The following TNKS variants were observed in gnomAD, a reference collection of about 807,000 sequenced individuals.
TNKS encodes the protein tankyrase.
Under a neutral mutation model 135.8 loss-of-function variants are expected in TNKS, and 72 were observed. The observed-to-expected ratio is 0.53, with a 90% CI of 0.44 to 0.64. TNKS has a LOEUF of 0.64. TNKS is among the 30% of genes least tolerant of loss of function. The probability of loss-of-function intolerance (pLI) is 0.00; values close to 1 mark genes in which losing one functional copy is unlikely to be tolerated. For missense variants in TNKS, 1,769 were observed against 1,674.0 expected (o/e 1.06, Z -0.99); for synonymous variants, 849 against 649.3 (o/e 1.31, Z -4.68).
At chr8:9,763,404 C>T (rs181107988) in intron 22 of TNKS, among the ~76,000 whole-genome samples, 160 bp downstream of exon 22, 1 of 152,116 alleles carries the variant, frequency 6.6e-6, no homozygotes, top group Non-Finnish European at 1.5e-5. Context: ...TAAAATATGA[C>T]GGCGCCCCAT....
intron 20 of TNKS, among the ~76,000 whole-genome samples, chr8:9,753,434 C>A (rs998394811): frequency 3.9e-5 from 6 of 152,028 alleles, no homozygotes; most frequent in Non-Finnish European, 8.8e-5. Flanking sequence ...TCCAATAGAC[C>A]CACCCTATTT....
chr8:9,592,167 T>C (rs1563101110), intron 2 of TNKS, among the ~76,000 whole-genome samples: 1 of 152,228 alleles, frequency 6.6e-6, no homozygotes, highest in Non-Finnish European at 1.5e-5. Flanking sequence ...TTCCAAAATT[T>C]AGGGAAATAG....
intron 13 of TNKS, 74 bp downstream of exon 13, chr8:9,726,794 T>A: frequency 8.5e-7 from 1 of 1,176,038 alleles, no homozygotes; most frequent in Non-Finnish European, 1.2e-6. Context: ...AGCTTCTAAG[T>A]ATATCTACTC....
Position 9,777,102 on chromosome 8 carries a change from G to A in TNKS, c.*366G>A. ...ACACTACATTTGTTTTGTTATGCAT[G>A]ACGTGTCTATAACAAATATACACAT... On this transcript the variant is annotated 3_prime_UTR_variant, in exon 27 of 27. Coordinates refer to ENST00000310430, the MANE Select transcript of TNKS (RefSeq NM_003747.3). 1 of 220,280 alleles carries A rather than the reference G, an allele frequency of 4.5e-6. No homozygotes were observed. The highest frequency in any genetic ancestry group is 8.6e-5 in the South Asian group (1 of 11,620). The allele number at this position is 220,280 out of a possible 1,614,324, so 13.6% of individuals were successfully genotyped here.
chr8:9,714,312 A>G (rs73204606), intron 11 of TNKS, among the ~76,000 whole-genome samples: 8,574 of 142,270 alleles, frequency 0.06, 447 homozygotes, highest in Non-Finnish European at 0.078. Context: ...GTGATATGTG[A>G]AGCAACCGCC....
At chr8:9,707,897 T>G (rs1180081347) in intron 8 of TNKS, among the ~76,000 whole-genome samples, 1 of 152,214 alleles carries the variant, frequency 6.6e-6, no homozygotes, top group African/African-American at 2.4e-5. Flanking sequence ...GGTGTACTTA[T>G]GGTGGCAATA....
intron 2 of TNKS, among the ~76,000 whole-genome samples, chr8:9,610,937 A>T (rs1422927986): frequency 6.6e-6 from 1 of 152,228 alleles, no homozygotes; most frequent in East Asian, 1.9e-4. Context: ...TGCAATAATT[A>T]TGCAAATGCT....
intron 5 of TNKS, among the ~76,000 whole-genome samples, chr8:9,694,356 C>T (rs986771679): frequency 6.6e-6 from 1 of 152,090 alleles, no homozygotes; most frequent in African/African-American, 2.4e-5. Flanking sequence ...TCTCAGTGAA[C>T]TCACAGTGAG....
intron 7 of TNKS, 54 bp downstream of exon 7, chr8:9,706,307 C>A: frequency 7.8e-7 from 1 of 1,277,304 alleles, no homozygotes; most frequent in Non-Finnish European, 1.1e-6. Flanking sequence ...TTTTCTTTAC[C>A]TTGTCATGAC....
chr8:9,764,719 C>G lies in TNKS; in HGVS notation c.3376C>G (p.Gln1126Glu). 6.3e-7 allele frequency: 1 copy of G among 1,594,024 alleles called. No individual in the cohort carries two copies. The highest frequency in any genetic ancestry group is 1.8e-5 in the Admixed American group (1 of 55,750). ...AATTAGTTATTTTGTTCTGTAGATGCAAAGTACTATTCGAGAACACAGAGA... is the reference window on the plus strand; with the variant it reads ...AATTAGTTATTTTGTTCTGTAGATGGAAAGTACTATTCGAGAACACAGAGA... Reference protein sequence around the residue: ...KEYQSVEEEMQSTIREHRDGG... With the variant: ...KEYQSVEEEMESTIREHRDGG... Residue 1126 changes from glutamine (Q) to glutamate (E), a missense_variant, in exon 23 of 27, where the codon CAA becomes GAA. Transcript: ENST00000310430.
At chr8:9,681,409 C>G (rs1585321220) in intron 5 of TNKS, among the ~76,000 whole-genome samples, 1 of 152,098 alleles carries the variant, frequency 6.6e-6, no homozygotes, top group African/African-American at 2.4e-5. Flanking sequence ...CAGCTGGCAG[C>G]TTCATTATCT....
chr8:9,710,511 C>T (rs1488702510), intron 11 of TNKS: 6 of 527,936 alleles, frequency 1.1e-5, no homozygotes, highest in East Asian at 5.8e-5. Flanking sequence ...TAATACTATA[C>T]GGATATATTT....
At chr8:9,639,553 T>A (rs565976476) in intron 3 of TNKS, among the ~76,000 whole-genome samples, 11 of 151,810 alleles carry the variant, frequency 7.2e-5, no homozygotes, top group Admixed American at 6.6e-4. Context: ...TTTTCCTGAG[T>A]AGCTTTCAAT....
chr8:9,575,037 G>C, intron 1 of TNKS: 1 of 985,292 alleles, frequency 1.0e-6, no homozygotes, highest in South Asian at 4.7e-5. Context: ...ATGTGTGCCT[G>C]GATTGCCTTT....
chr8:9,773,151 T>A (rs1025196213), intron 26 of TNKS, among the ~76,000 whole-genome samples: 2 of 148,398 alleles, frequency 1.3e-5, no homozygotes, highest in Non-Finnish European at 1.5e-5. Context: ...TAATTATACT[T>A]CTTCTAGAAA....
At chr8:9,679,848 CT>C (rs1802704847) in intron 3 of TNKS, 102 bp from the exon 4 acceptor site, 2 of 998,952 alleles carry the variant, frequency 2.0e-6, no homozygotes, top group South Asian at 1.4e-5. Context: ...TGTGGACTCT[CT>C]TTTTCTGTTC....
chr8:9,608,863 C>T (rs983771283), intron 2 of TNKS, among the ~76,000 whole-genome samples: 5 of 152,154 alleles, frequency 3.3e-5, no homozygotes, highest in African/African-American at 1.2e-4. Context: ...TTTCAGGGAT[C>T]ACTGTTTACA....
chr8:9,763,063 A>ATTTT (rs66959741), intron 21 of TNKS, 84 bp from the exon 22 acceptor site: 4 of 363,370 alleles, frequency 1.1e-5, no homozygotes, highest in South Asian at 1.0e-4. Context: ...CTTATTATGA[A>ATTTT]TTTTTTTTTT....
At chr8:9,666,652 C>T (rs1013052415) in intron 3 of TNKS, among the ~76,000 whole-genome samples, 9 of 151,492 alleles carry the variant, frequency 5.9e-5, no homozygotes, top group Non-Finnish European at 1.2e-4. Flanking sequence ...ACCCAGGAGG[C>T]AGAGTTTGCA....
Sources: gnomAD v4.1 joint callset for allele counts (sites outside exome capture counted in the v4.1 genomes callset) on GRCh38, gnomAD v4.1.1 for gene constraint, MANE v1.5 for transcripts, NCBI Gene and HGNC (gene_info 2026-07-23, HGNC 2026-07-21) for gene names.